Variants in XKR4 observed in about 807,000 individuals in gnomAD.
XKR4 encodes XK-related protein 4.
In XKR4, 12 loss-of-function variants were observed where a neutral mutation model predicts 53.9. The observed-to-expected ratio is 0.22, with a 90% CI of 0.14 to 0.36. The LOEUF (loss-of-function observed/expected upper bound fraction) is 0.36. XKR4 is among the 10% of genes least tolerant of loss of function. The pLI, the probability that XKR4 is intolerant of heterozygous loss-of-function variation, is 1.00. For synonymous variants in XKR4, 354 were observed against 362.4 expected, an observed-to-expected ratio of 0.98 and a Z score of 0.26; for missense variants, 799 against 859.5, an observed-to-expected ratio of 0.93 and a Z score of 0.88.
At chr8:55,405,931 A>G in intron 2 of XKR4, among the ~76,000 whole-genome samples, 1 of 152,176 alleles carries the variant, frequency 6.6e-6, no homozygotes, top group African/African-American at 2.4e-5. Flanking sequence ...TGCAGAAGGG[A>G]CCAACATCTG....
intron 2 of XKR4, among the ~76,000 whole-genome samples, chr8:55,436,621 A>G (rs536365676): frequency 2.0e-5 from 3 of 152,262 alleles, no homozygotes; most frequent in East Asian, 1.9e-4. Flanking sequence ...TTGGCCTCCA[A>G]CCTCACAGAC....
At chr8:55,509,215 C>T (rs1806586661) in intron 2 of XKR4, among the ~76,000 whole-genome samples, 1 of 152,200 alleles carries the variant, frequency 6.6e-6, no homozygotes, top group Admixed American at 6.5e-5. Context: ...CTACTAGAGA[C>T]AACACCTGAC....
chr8:55,135,689 T>C (rs1216142718), intron 1 of XKR4: 1 of 455,858 alleles, frequency 2.2e-6, no homozygotes, highest in African/African-American at 2.0e-5. Flanking sequence ...AAAGCTGAGA[T>C]TTTCCAGTTT....
At position 55,510,325 on chromosome 8, in the gene XKR4, G is replaced by A. The variant is rs899015777; in HGVS notation, c.1007-12956G>A. 1.2e-4 allele frequency among the ~76,000 whole-genome samples: 19 copies of A among 152,292 alleles called. 1 individual carries two copies. The highest frequency in any genetic ancestry group is 1.5e-5 in the Non-Finnish European group (1 of 68,020). On this transcript the variant is annotated intron_variant, in intron 2 of 2. Transcript: ENST00000327381. ...GGGGGTCTCCAGGCAGAAGGTGGAC[G>A]AGAAGCGGGAAGGCGCAATTCTGGA...
At chr8:55,174,896 G>A (rs1817210919) in intron 1 of XKR4, among the ~76,000 whole-genome samples, 1 of 152,172 alleles carries the variant, frequency 6.6e-6, no homozygotes. Context: ...ATCATGGCCT[G>A]TTTGTCTCAG....
chr8:55,151,967 T>C (rs1816846172), intron 1 of XKR4, among the ~76,000 whole-genome samples: 1 of 152,198 alleles, frequency 6.6e-6, no homozygotes, highest in Non-Finnish European at 1.5e-5. Context: ...TTTTATTTCA[T>C]TAAATTAAAT....
chr8:55,281,712 C>A (rs1278427175), intron 1 of XKR4, among the ~76,000 whole-genome samples: 1 of 152,200 alleles, frequency 6.6e-6, no homozygotes, highest in Non-Finnish European at 1.5e-5. Flanking sequence ...TAAGTAATTT[C>A]TCTCGCTGTT....
chr8:55,487,704 T>C (rs1806215537), intron 2 of XKR4, among the ~76,000 whole-genome samples: 1 of 152,088 alleles, frequency 6.6e-6, no homozygotes, highest in Non-Finnish European at 1.5e-5. Flanking sequence ...CCTGGCCTCA[T>C]GTGATCCACC....
intron 2 of XKR4, among the ~76,000 whole-genome samples, chr8:55,411,860 A>G (rs761097770): frequency 8.5e-5 from 13 of 152,150 alleles, no homozygotes; most frequent in Non-Finnish European, 1.5e-4. Context: ...GCCACCCATG[A>G]AGGACAGTGA....
chr8:55,464,176 A>C (rs1563357927), intron 2 of XKR4, among the ~76,000 whole-genome samples: 1 of 152,196 alleles, frequency 6.6e-6, no homozygotes, highest in African/African-American at 2.4e-5. Flanking sequence ...ACAACAAAAA[A>C]AGAGAATTTT....
intron 1 of XKR4, among the ~76,000 whole-genome samples, chr8:55,340,660 T>C (rs535255332): frequency 1.3e-5 from 2 of 152,338 alleles, no homozygotes; most frequent in Non-Finnish European, 1.5e-5. Context: ...TTCTCATTCA[T>C]GAATTAGGGA....
At chr8:55,202,908 G>A (rs953132469) in intron 1 of XKR4, among the ~76,000 whole-genome samples, 7 of 151,822 alleles carry the variant, frequency 4.6e-5, no homozygotes, top group African/African-American at 7.3e-5. Context: ...CTGCTGGCTC[G>A]TACACCCTGA....
chr8:55,453,969 G>A (rs1419801103), intron 2 of XKR4: 42 of 730,078 alleles, frequency 5.8e-5, no homozygotes, highest in Non-Finnish European at 7.4e-6. Context: ...CACTGGCCCA[G>A]GAAGGCTGCC....
chr8:55,537,234 A>G lies in XKR4; in HGVS notation c.*13007A>G, dbSNP rs1447014146. ...GTAGTCATCGTTAAAATTCCTGGGA[A>G]AAAAAGAAAAAGTTTACGTCAAAGG... On this transcript the variant is annotated 3_prime_UTR_variant, in exon 3 of 3. Coordinates refer to ENST00000327381, the MANE Select transcript of XKR4 (RefSeq NM_052898.2). The G allele has an allele frequency of 6.6e-6, 1 of 152,232 alleles. No individual in the cohort carries two copies. The highest frequency in any genetic ancestry group is 1.9e-4 in the East Asian group (1 of 5,206). The allele number at this position is 152,232 out of a possible 1,614,324, so 9.4% of individuals were successfully genotyped here. A position where few individuals can be genotyped will look rare whatever the true frequency, so the allele number is the denominator to read the frequency against.
At chr8:55,453,680 G>A (rs535900191) in intron 2 of XKR4, 38 of 406,626 alleles carry the variant, frequency 9.3e-5, no homozygotes, top group African/African-American at 6.2e-4. Flanking sequence ...GGGCCGGGGC[G>A]CCCATCTCAG....
In XKR4 at chr8:55,375,716, CT is replaced by C. The variant is rs61454234; in HGVS notation, c.1006+17850del. Among the ~76,000 whole-genome samples, 19 of 148,718 alleles carry C rather than the reference CT, an allele frequency of 1.3e-4. No homozygotes were observed. In the South Asian group the frequency reaches 1.5e-3, roughly 12 times the overall value. On this transcript the variant is annotated intron_variant, in intron 2 of 2. Transcript: ENST00000327381. ...AAATAAGATACATTTTCTTCTTTTTCTTTTTTTTTTTAAATATATTTTTTAA... is the reference window on the plus strand; with the variant it reads ...AAATAAGATACATTTTCTTCTTTTTCTTTTTTTTTTAAATATATTTTTTAA...
chr8:55,429,264 C>T (rs1805063144), intron 2 of XKR4, among the ~76,000 whole-genome samples: 1 of 152,160 alleles, frequency 6.6e-6, no homozygotes, highest in Admixed American at 6.5e-5. Context: ...ACTTCTTATA[C>T]AAGAATTAAT....
intron 1 of XKR4, among the ~76,000 whole-genome samples, chr8:55,302,614 C>G (rs1585998120): frequency 6.6e-6 from 1 of 152,240 alleles, no homozygotes; most frequent in African/African-American, 2.4e-5. Context: ...GATATTGATT[C>G]TTCCTACCCA....
intron 1 of XKR4, among the ~76,000 whole-genome samples, chr8:55,340,149 G>A (rs1166393696): frequency 1.3e-5 from 2 of 152,208 alleles, no homozygotes; most frequent in African/African-American, 2.4e-5. Flanking sequence ...TGGCACAAAA[G>A]GAAGGTCTGT....
Sources: gnomAD v4.1 joint callset for allele counts (sites outside exome capture counted in the v4.1 genomes callset) on GRCh38, gnomAD v4.1.1 for gene constraint, MANE v1.5 for transcripts, NCBI Gene and HGNC (gene_info 2026-07-23, HGNC 2026-07-21) for gene names.